The following CACNA1S variants were observed in gnomAD, a reference collection of about 807,000 sequenced individuals.
The protein encoded by CACNA1S is voltage-dependent L-type calcium channel subunit alpha-1S.
Under a neutral mutation model 207.4 loss-of-function variants are expected in CACNA1S, and 126 were observed. The ratio of observed to expected loss-of-function variants is 0.61; its 90% CI spans 0.53 to 0.70. CACNA1S has a LOEUF of 0.70. CACNA1S is among the 30% of genes least tolerant of loss of function. The pLI is 0.00. For missense variants in CACNA1S, 2,349 were observed against 2,422.8 expected (o/e 0.97, Z 0.64); for synonymous variants, 960 against 932.7 (o/e 1.03, Z -0.53).
Position 201,066,831 on chromosome 1 carries a change from C to T in CACNA1S, c.2657+56G>A. On this transcript the variant is annotated intron_variant, in intron 20 of 43. Transcript: ENST00000362061. The surrounding 1 kb of genome is among the most constrained non-coding windows in gnomAD (Gnocchi z 4.3). ...ATGGGTGGGACTCCCACTACAAAGC[C>T]CTGGCACAGAGCAGAGGGTGGTCTG... 7.4e-7 allele frequency: 1 copy of T among 1,349,488 alleles called. No homozygotes were observed. Among genetic ancestry groups the T allele is most frequent in the South Asian group, 1.2e-5 (1 of 83,252 alleles). The allele number at this position is 1,349,488 out of a possible 1,614,324, so 83.6% of individuals were successfully genotyped here.
At chr1:201,054,608 A>C in intron 28 of CACNA1S, 47 bp from the exon 29 acceptor site, 3 of 1,518,810 alleles carry the variant, frequency 2.0e-6, no homozygotes, top group Non-Finnish European at 2.7e-6. Flanking sequence ...GAGAGAGAGG[A>C]GGAGGGACAT....
chr1:201,074,700 G>A, intron 13 of CACNA1S, 80 bp from the exon 14 acceptor site: 6 of 857,364 alleles, frequency 7.0e-6, no homozygotes, highest in Non-Finnish European at 1.1e-5. Context: ...GCCTGCATGT[G>A]GGCAGGACCT....
At position 201,078,050 on chromosome 1, in the gene CACNA1S, A is replaced by G. The variant is rs1013660362; in HGVS notation, c.1448T>C (p.Met483Thr). Reference protein sequence around the residue: ...SLFTTEMLMKMYGLGLRQYFM... With the variant: ...SLFTTEMLMKTYGLGLRQYFM... ...GTACTGGCGCAGGCCCAGCCCGTAC[A>G]TCTTCATCAGCATCTCAGTGGTGAA... Residue 483 changes from methionine to threonine, a missense_variant, in exon 11 of 44, where the codon ATG (methionine) becomes ACG (threonine). Transcript: ENST00000362061. 1 of 1,614,238 alleles carries G rather than the reference A, an allele frequency of 6.2e-7. No individual in the cohort carries two copies. Among genetic ancestry groups the G allele is most frequent in the Non-Finnish European group, 8.5e-7 (1 of 1,180,038 alleles).
intron 9 of CACNA1S, among the ~76,000 whole-genome samples, chr1:201,083,888 G>T (rs1384111541): frequency 2.6e-5 from 4 of 152,142 alleles, no homozygotes; most frequent in African/African-American, 9.7e-5. Context: ...CGAGGAGCTG[G>T]GAGTAGCTAT....
At chr1:201,084,827 GCT>G in intron 9 of CACNA1S, 121 bp downstream of exon 9, 2 of 727,432 alleles carry the variant, frequency 2.7e-6, no homozygotes, top group Non-Finnish European at 4.9e-6. Context: ...TCTTAAAAAG[GCT>G]GCCTTTCTAA....
In CACNA1S at chr1:201,074,748, G is replaced by T; in HGVS notation, c.1949-128C>A. ...CCAGAGCTACCCATGGGAAGGTGTGGATCCAGGGACATAGTGGAAGGCCCT... is the reference window on the plus strand; with the variant it reads ...CCAGAGCTACCCATGGGAAGGTGTGTATCCAGGGACATAGTGGAAGGCCCT... On this transcript the variant is annotated intron_variant, in intron 13 of 43. Coordinates refer to ENST00000362061, the MANE Select transcript of CACNA1S (RefSeq NM_000069.3). The T allele has an allele frequency of 4.1e-6, 3 of 723,932 alleles. No individual in the cohort carries two copies. In the South Asian group the frequency reaches 4.5e-5, roughly 11 times the overall value. The allele number at this position is 723,932 out of a possible 1,614,324, so 44.8% of individuals were successfully genotyped here. A position where few individuals can be genotyped will look rare whatever the true frequency, so the allele number is the denominator to read the frequency against.
Position 201,083,274 on chromosome 1 carries a change from G to A in CACNA1S, c.1281C>T (p.Asp427=). 6.2e-7 allele frequency: 1 copy of A among 1,614,222 alleles called. No individual in the cohort carries two copies. The highest frequency in any genetic ancestry group is 1.7e-5 in the Admixed American group (1 of 60,028). ...WNRIFRWKCH[D]IVKSKVFYWL... Reference sequence around the variant, plus strand: ...AATAGAAGACCTTGGACTTCACGATGTCATGGCACTTCCAGCGAAAGATGC... The same window carrying A: ...AATAGAAGACCTTGGACTTCACGATATCATGGCACTTCCAGCGAAAGATGC... Residue 427 remains aspartate, a synonymous_variant, in exon 10 of 44, where the codon GAC becomes GAT. Transcript: ENST00000362061.
Position 201,040,613 on chromosome 1 carries a change from C to T in CACNA1S, c.5226+9G>A, listed in dbSNP as rs761640458. ...ATGGAGTTTGCTCCCAGGCCTCTGC[C>T]ACTGTTACCTGGCAGGGGGCAGGAG... is the stretch of plus-strand genomic sequence containing the variant. On this transcript the variant is annotated intron_variant, in intron 42 of 43. Transcript: ENST00000362061. 1.4e-5 allele frequency: 22 copies of T among 1,612,788 alleles called. No homozygotes were observed. In the South Asian group the frequency reaches 2.1e-4, roughly 15 times the overall value.
At position 201,075,567 on chromosome 1, in the gene CACNA1S, C is replaced by T; in HGVS notation, c.1876G>A (p.Ala626Thr). 1 of 1,614,110 alleles carries T rather than the reference C, an allele frequency of 6.2e-7. No individual in the cohort carries two copies. ...CCAGGGTAGGACGGCCCGCCGTAGG[C>T]CATGATCCCATTGTACATCATTGAG... is the stretch of plus-strand genomic sequence containing the variant. ...WTSMMYNGIMAYGGPSYPGML... is the reference protein window; with the variant it reads ...WTSMMYNGIMTYGGPSYPGML... The change falls in exon 13 of 44, where the codon GCC becomes ACC. Residue 626 changes from alanine to threonine, a missense_variant. By Grantham distance (58) the Ala-to-Thr change is moderately conservative. Coordinates refer to ENST00000362061, the MANE Select transcript of CACNA1S (RefSeq NM_000069.3).
intron 13 of CACNA1S, 69 bp downstream of exon 13, chr1:201,075,426 C>G: frequency 6.3e-7 from 1 of 1,599,774 alleles, no homozygotes; most frequent in Admixed American, 1.7e-5. Context: ...CACCCTTGAC[C>G]CCCATTTTAA....
intron 43 of CACNA1S, 21 bp downstream of exon 43, chr1:201,040,210 G>C: frequency 1.2e-6 from 2 of 1,612,900 alleles, no homozygotes; most frequent in Non-Finnish European, 1.7e-6. Flanking sequence ...AGCCACTGCT[G>C]TGACCCAGCC....
chr1:201,057,046 G>T (rs997495017), intron 28 of CACNA1S, among the ~76,000 whole-genome samples: 2 of 152,184 alleles, frequency 1.3e-5, no homozygotes, highest in Non-Finnish European at 2.9e-5. Context: ...AGTTTAGTTT[G>T]TTCGCAACAC....
At chr1:201,094,933 C>A (rs541486199) in intron 2 of CACNA1S, among the ~76,000 whole-genome samples, 1 of 152,150 alleles carries the variant, frequency 6.6e-6, no homozygotes, top group African/African-American at 2.4e-5. Context: ...CTATTTCTAA[C>A]TGAGGAAGCA....
intron 22 of CACNA1S, among the ~76,000 whole-genome samples, chr1:201,063,417 G>A (rs760780556): frequency 1.3e-5 from 2 of 151,734 alleles, no homozygotes; most frequent in African/African-American, 4.8e-5. Flanking sequence ...AGCCTCCTGA[G>A]TACCTAGGAT....
At position 201,075,179 on chromosome 1, in the gene CACNA1S, C is replaced by T. The variant is rs538669151; in HGVS notation, c.1948+316G>A. Among the ~76,000 whole-genome samples, 110 of 152,350 alleles carry T rather than the reference C, an allele frequency of 7.2e-4. 1 individual carries two copies. Among genetic ancestry groups the T allele is most frequent in the Admixed American group, 3.0e-3 (46 of 15,306 alleles). On this transcript the variant is annotated intron_variant, in intron 13 of 43. Coordinates refer to ENST00000362061, the MANE Select transcript of CACNA1S (RefSeq NM_000069.3). ...TCTGAACCTTTGGAGAAGGCTGTCCCACCATCTTCATGTTCCTCAGCAAAG... is the reference window on the plus strand; with the variant it reads ...TCTGAACCTTTGGAGAAGGCTGTCCTACCATCTTCATGTTCCTCAGCAAAG...
At chr1:201,103,381 C>T (rs746625238) in intron 2 of CACNA1S, among the ~76,000 whole-genome samples, 1 of 152,180 alleles carries the variant, frequency 6.6e-6, no homozygotes, top group Admixed American at 6.5e-5. Context: ...GCCGTCCTTT[C>T]CTGCGACTCC....
chr1:201,057,262 C>A (rs1359915366), intron 28 of CACNA1S, among the ~76,000 whole-genome samples: 1 of 152,224 alleles, frequency 6.6e-6, no homozygotes, highest in Non-Finnish European at 1.5e-5. Flanking sequence ...TCAAACTCAG[C>A]AAGCACCATC....
rs16847669 is a variant in CACNA1S, at chr1:201,077,950, C to T, written c.1548G>A (p.Ser516=). The T allele has an allele frequency of 5.7e-3, 9,271 of 1,614,088 alleles. 323 individuals are homozygous for T. The African/African-American group carries it at 0.084, about 15-fold the overall frequency. The change falls in exon 11 of 44, where the codon TCG becomes TCA. Residue 516 remains serine (S), a synonymous_variant. Transcript: ENST00000362061. The stretch of plus-strand genomic sequence containing the variant: ...AGATGCCCAGGGGTGTCATGGCACC[C>T]GACTCCACCAGCAGGATCTCCAGGA... ...SGILEILLVE[S]GAMTPLGISV...
intron 15 of CACNA1S, 40 bp downstream of exon 15, chr1:201,073,509 C>T (rs1285481171): frequency 2.7e-6 from 4 of 1,470,114 alleles, no homozygotes; most frequent in Admixed American, 1.7e-5. Flanking sequence ...ATTGGAAGAG[C>T]CCCTAGACTG....
Sources: gnomAD v4.1 joint callset for allele counts (sites outside exome capture counted in the v4.1 genomes callset) on GRCh38, gnomAD v4.1.1 for gene constraint, Gnocchi (gnomAD v3.1) non-coding constraint, MANE v1.5 for transcripts, NCBI Gene and HGNC (gene_info 2026-07-23, HGNC 2026-07-21) for gene names.